The following FANCC variants were observed in gnomAD, a reference collection of about 807,000 sequenced individuals.
FANCC encodes FA complementation group C.
In FANCC, 55 loss-of-function variants were observed where a neutral mutation model predicts 71.3. The ratio of observed to expected loss-of-function variants is 0.77; its 90% CI spans 0.62 to 0.97. FANCC has a LOEUF of 0.97. FANCC is among the 50% of genes least tolerant of loss of function. FANCC has a pLI of 0.00. For synonymous variants in FANCC, 275 were observed against 244.9 expected (o/e 1.12, Z -1.15); for missense variants, 678 against 670.9 (o/e 1.01, Z -0.12).
chr9:95,317,219 G>T (rs1480306119), intron 1 of FANCC: 1 of 152,656 alleles, frequency 6.6e-6, no homozygotes, highest in Non-Finnish European at 1.5e-5. Context: ...CGCCTCTCCG[G>T]GGGCTCCCTT....
At chr9:95,160,007 G>T (rs1310951722) in intron 6 of FANCC, among the ~76,000 whole-genome samples, 1 of 152,116 alleles carries the variant, frequency 6.6e-6, no homozygotes, top group Non-Finnish European at 1.5e-5. Flanking sequence ...AGTTTCTTTT[G>T]CTGTGCAGAA....
chr9:95,125,273 C>T, intron 9 of FANCC, 88 bp from the exon 10 acceptor site: 1 of 1,063,462 alleles, frequency 9.4e-7, no homozygotes, highest in Non-Finnish European at 1.5e-6. Context: ...AAAGTAGAAA[C>T]ACTTTTTTTG....
intron 1 of FANCC, chr9:95,293,432 G>C: frequency 1.3e-6 from 2 of 1,574,398 alleles, no homozygotes; most frequent in Non-Finnish European, 1.7e-6. Flanking sequence ...CTCTTAAAGA[G>C]AGCCTACTTC....
At chr9:95,124,066 T>C (rs561708485) in intron 10 of FANCC, among the ~76,000 whole-genome samples, 1 of 127,894 alleles carries the variant, frequency 7.8e-6, no homozygotes, top group Admixed American at 9.6e-5. Flanking sequence ...ATCACATCAC[T>C]GCACTCCAGC....
At chr9:95,215,925 G>A (rs1828838300) in intron 4 of FANCC, among the ~76,000 whole-genome samples, 1 of 152,084 alleles carries the variant, frequency 6.6e-6, no homozygotes, top group Admixed American at 6.6e-5. Context: ...GGCATTAAAA[G>A]GATTATTATT....
chr9:95,308,444 C>T (rs995239718), intron 1 of FANCC, among the ~76,000 whole-genome samples: 8 of 92,508 alleles, frequency 8.6e-5, no homozygotes, highest in South Asian at 4.2e-4. Context: ...TCACCACACC[C>T]GGCTAGTTTT....
chr9:95,137,957 C>T (rs1827963518), intron 7 of FANCC, among the ~76,000 whole-genome samples: 2 of 152,222 alleles, frequency 1.3e-5, no homozygotes, highest in Non-Finnish European at 2.9e-5. Context: ...AGAGGACTGG[C>T]GGTAACGGGA....
chr9:95,108,318 G>A (rs564396280), intron 13 of FANCC, among the ~76,000 whole-genome samples: 21 of 152,294 alleles, frequency 1.4e-4, no homozygotes, highest in East Asian at 3.9e-4. Context: ...TCCCCACCTC[G>A]CCCCTCAGCC....
chr9:95,249,385 C>T lies in FANCC; in HGVS notation c.-78-16G>A. ...CACATTAAATCTGTAAGAAAGGGAA[C>T]AAATAGAAGCATTTCTAAAAGGCTC... On this transcript the variant is annotated splice_polypyrimidine_tract_variant and intron_variant, in intron 1 of 14. Coordinates refer to ENST00000289081, the MANE Select transcript of FANCC (RefSeq NM_000136.3). The T allele has an allele frequency of 6.4e-6, 8 of 1,251,934 alleles. No homozygotes were observed. Among genetic ancestry groups the T allele is most frequent in the Non-Finnish European group, 9.2e-6 (8 of 865,566 alleles). The allele number at this position is 1,251,934 out of a possible 1,614,324, so 77.6% of individuals were successfully genotyped here. A position where few individuals can be genotyped will look rare whatever the true frequency, so the allele number is the denominator to read the frequency against.
At chr9:95,170,784 A>T (rs546971157) in intron 6 of FANCC, among the ~76,000 whole-genome samples, 1 of 152,006 alleles carries the variant, frequency 6.6e-6, no homozygotes, top group South Asian at 2.1e-4. Flanking sequence ...GGTAAAACTA[A>T]GTACTGCTCT....
At chr9:95,127,675 A>G (rs1826210418) in intron 8 of FANCC, among the ~76,000 whole-genome samples, 1 of 152,230 alleles carries the variant, frequency 6.6e-6, no homozygotes, top group Non-Finnish European at 1.5e-5. Flanking sequence ...TGCATTTGAT[A>G]TGACTAGCTT....
chr9:95,196,639 A>G (rs1316139433), intron 4 of FANCC, among the ~76,000 whole-genome samples: 1 of 152,210 alleles, frequency 6.6e-6, no homozygotes, highest in East Asian at 1.9e-4. Context: ...CACCTGAATC[A>G]CTAGCAATCC....
intron 4 of FANCC, among the ~76,000 whole-genome samples, chr9:95,174,180 T>C (rs1825865942): frequency 6.6e-6 from 1 of 152,132 alleles, no homozygotes; most frequent in South Asian, 2.1e-4. Context: ...GTTCAGTGTT[T>C]GCTGAAGGCT....
chr9:95,136,871 C>T (rs919051136), intron 7 of FANCC, among the ~76,000 whole-genome samples: 2 of 152,126 alleles, frequency 1.3e-5, no homozygotes, highest in African/African-American at 4.8e-5. Flanking sequence ...CTCCACTTCC[C>T]CTCCCTGGAG....
chr9:95,310,618 T>C (rs916369389), intron 1 of FANCC, among the ~76,000 whole-genome samples: 1 of 152,100 alleles, frequency 6.6e-6, no homozygotes, highest in Non-Finnish European at 1.5e-5. Flanking sequence ...CTTATGCCCA[T>C]CCTTAACCAA....
chr9:95,293,873 T>G (rs930163597), intron 1 of FANCC: 16 of 1,608,362 alleles, frequency 9.9e-6, no homozygotes, highest in Non-Finnish European at 1.4e-5. Context: ...TGGACCAAGC[T>G]GGAATGTGCA....
At chr9:95,212,384 G>T (rs886974826) in intron 4 of FANCC, among the ~76,000 whole-genome samples, 1 of 152,056 alleles carries the variant, frequency 6.6e-6, no homozygotes, top group Non-Finnish European at 1.5e-5. Flanking sequence ...AAAAGATACA[G>T]ATGAACAAAG....
intron 4 of FANCC, among the ~76,000 whole-genome samples, chr9:95,185,114 T>C (rs4647482): frequency 1.5e-4 from 23 of 152,342 alleles, no homozygotes; most frequent in African/African-American, 4.1e-4. Context: ...AAAACTATTA[T>C]AGAAATAAGA....
At chr9:95,189,401 C>T (rs953615420) in intron 4 of FANCC, among the ~76,000 whole-genome samples, 2 of 152,160 alleles carry the variant, frequency 1.3e-5, no homozygotes, top group African/African-American at 4.8e-5. Flanking sequence ...GTTTACATAG[C>T]CTATTCCGTG....
Sources: gnomAD v4.1 joint callset for allele counts (sites outside exome capture counted in the v4.1 genomes callset) on GRCh38, gnomAD v4.1.1 for gene constraint, MANE v1.5 for transcripts, NCBI Gene and HGNC (gene_info 2026-07-23, HGNC 2026-07-21) for gene names.